DDX10: variants seen among roughly 807,000 people sequenced by gnomAD.
DDX10 encodes the protein DEAD-box helicase 10.
In DDX10, 74 loss-of-function variants were observed where a neutral mutation model predicts 104.3. The observed-to-expected ratio is 0.71, with a 90% confidence interval of 0.59 to 0.86. The LOEUF is 0.86. Ranked by LOEUF, DDX10 falls within the 40% of genes least tolerant of loss-of-function variation. DDX10 has a pLI of 0.00. For missense variants in DDX10, 952 were observed against 1,040.0 expected (o/e 0.92, Z 1.16); for synonymous variants, 351 against 353.4 (o/e 0.99, Z 0.08).
chr11:108,880,885 A>G (rs1001822381), intron 16 of DDX10, among the ~76,000 whole-genome samples: 2 of 152,170 alleles, frequency 1.3e-5, no homozygotes, highest in African/African-American at 4.8e-5. Flanking sequence ...TCTTGCTGCT[A>G]TTGACCATGA....
At chr11:108,856,616 T>C (rs1862873991) in intron 16 of DDX10, among the ~76,000 whole-genome samples, 1 of 152,218 alleles carries the variant, frequency 6.6e-6, no homozygotes, top group Non-Finnish European at 1.5e-5. Flanking sequence ...ACTTTATTCA[T>C]TTGATATTTT....
chr11:108,918,735 T>C (rs1863785988), intron 17 of DDX10: 1 of 152,204 alleles, frequency 6.6e-6, no homozygotes, highest in African/African-American at 2.4e-5. Flanking sequence ...TTTGCTACCA[T>C]TGGCAGAAAC....
At chr11:108,819,433 A>G (rs1436022272) in intron 13 of DDX10, among the ~76,000 whole-genome samples, 1 of 152,188 alleles carries the variant, frequency 6.6e-6, no homozygotes, top group East Asian at 1.9e-4. Flanking sequence ...TGCCTATTTC[A>G]TTTGGAAATG....
At chr11:108,711,502 T>A (rs528335164) in intron 10 of DDX10, among the ~76,000 whole-genome samples, 17 of 152,132 alleles carry the variant, frequency 1.1e-4, no homozygotes, top group Non-Finnish European at 2.4e-4. Flanking sequence ...CTGGCTAATT[T>A]TTGTATTTTT....
chr11:108,864,740 G>A (rs1372345447), intron 16 of DDX10, among the ~76,000 whole-genome samples: 1 of 152,176 alleles, frequency 6.6e-6, no homozygotes, highest in Non-Finnish European at 1.5e-5. Context: ...GATTACAGGT[G>A]TGAGCCACCG....
intron 16 of DDX10, among the ~76,000 whole-genome samples, chr11:108,874,971 A>C (rs1863132503): frequency 6.6e-6 from 1 of 152,182 alleles, no homozygotes. Context: ...TTATATAATG[A>C]AGGTAAAAAT....
At chr11:108,902,003 A>G (rs924882008) in intron 16 of DDX10, among the ~76,000 whole-genome samples, 1 of 152,196 alleles carries the variant, frequency 6.6e-6, no homozygotes, top group African/African-American at 2.4e-5. Flanking sequence ...TAATGAAAGG[A>G]CTGTATTGTT....
At chr11:108,757,228 G>A (rs1454869407) in intron 13 of DDX10, among the ~76,000 whole-genome samples, 1 of 151,974 alleles carries the variant, frequency 6.6e-6, no homozygotes, top group Non-Finnish European at 1.5e-5. Flanking sequence ...TGCAAGAAAT[G>A]TTTGTTCTCT....
At chr11:108,772,707 G>T (rs1194262019) in intron 13 of DDX10, among the ~76,000 whole-genome samples, 1 of 152,220 alleles carries the variant, frequency 6.6e-6, no homozygotes, top group Non-Finnish European at 1.5e-5. Context: ...GGGTGAGCGG[G>T]CATTACCGCC....
intron 2 of DDX10, among the ~76,000 whole-genome samples, chr11:108,675,344 T>C (rs2094223037): frequency 6.6e-6 from 1 of 152,228 alleles, no homozygotes; most frequent in Non-Finnish European, 1.5e-5. Context: ...CCTCTGTGCA[T>C]GTGGACCCTT....
At chr11:108,674,196 C>T (rs2094220819) in intron 2 of DDX10, among the ~76,000 whole-genome samples, 1 of 151,962 alleles carries the variant, frequency 6.6e-6, no homozygotes, top group African/African-American at 2.4e-5. Flanking sequence ...GTGGCGGGCA[C>T]CTGTAATCCC....
At chr11:108,865,963 A>G (rs1863003698) in intron 16 of DDX10, among the ~76,000 whole-genome samples, 1 of 152,214 alleles carries the variant, frequency 6.6e-6, no homozygotes, top group Admixed American at 6.5e-5. Flanking sequence ...GGTATTTTCC[A>G]TGTGTCGGGT....
chr11:108,874,925 T>G (rs2726919), intron 16 of DDX10, among the ~76,000 whole-genome samples: 114,803 of 151,908 alleles, frequency 0.76, 43,732 homozygotes, highest in Admixed American at 0.8. Context: ...TGAATTCTTG[T>G]GCCAGTTATT....
intron 6 of DDX10, among the ~76,000 whole-genome samples, chr11:108,687,300 T>C (rs2094245725): frequency 6.6e-6 from 1 of 152,076 alleles, no homozygotes; most frequent in South Asian, 2.1e-4. Flanking sequence ...ATATGGATCA[T>C]CTTTAAATTG....
chr11:108,775,775 C>T (rs953794045), intron 13 of DDX10, among the ~76,000 whole-genome samples: 3 of 152,172 alleles, frequency 2.0e-5, no homozygotes. Context: ...GCATACTTTA[C>T]ATGCAATATA....
intron 17 of DDX10, chr11:108,920,825 G>GC (rs1863815903): frequency 6.6e-6 from 1 of 152,200 alleles, no homozygotes; most frequent in Admixed American, 6.5e-5. Flanking sequence ...GGTATAAGCT[G>GC]CTTAACATCA....
chr11:108,677,062 C>G (rs772371385), intron 3 of DDX10, 23 bp from the exon 4 acceptor site: 79 of 1,585,972 alleles, frequency 5.0e-5, no homozygotes, highest in Middle Eastern at 4.1e-4. Flanking sequence ...ACTTACTGAA[C>G]ATGAATTTGC....
chr11:108,753,428 G>A (rs995735562), intron 13 of DDX10, among the ~76,000 whole-genome samples: 29 of 152,046 alleles, frequency 1.9e-4, no homozygotes, highest in Middle Eastern at 3.2e-3. Context: ...ACCAAAGGAA[G>A]CAACAGCATG....
At chr11:108,905,694 T>C (rs1219399275) in intron 16 of DDX10, among the ~76,000 whole-genome samples, 1 of 152,208 alleles carries the variant, frequency 6.6e-6, no homozygotes, top group African/African-American at 2.4e-5. Context: ...TTTTTGGGTT[T>C]AGCAAGGTGC....
Sources: gnomAD v4.1 joint callset for allele counts (sites outside exome capture counted in the v4.1 genomes callset) on GRCh38, gnomAD v4.1.1 for gene constraint, MANE v1.5 for transcripts, NCBI Gene and HGNC (gene_info 2026-07-23, HGNC 2026-07-21) for gene names.